Variants in ERC2 observed in about 807,000 individuals in gnomAD.
ERC2 encodes the protein ELKS/RAB6-interacting/CAST family member 2.
ERC2 carries 42 observed loss-of-function variants against 114.8 expected under a neutral mutation model. The ratio of observed to expected loss-of-function variants is 0.37; its 90% CI spans 0.29 to 0.47. The LOEUF (loss-of-function observed/expected upper bound fraction) is 0.47. Among genes scored for constraint, ERC2 ranks in the 20% least tolerant of loss-of-function variants. The probability of loss-of-function intolerance (pLI) is 0.99; values close to 1 mark genes in which losing one functional copy is unlikely to be tolerated. For synonymous variants in ERC2, 454 were observed against 425.5 expected (o/e 1.07, Z -0.82); for missense variants, 939 against 1,150.7 (o/e 0.82, Z 2.66).
At chr3:55,843,999 C>T (rs1028441817) in intron 14 of ERC2, among the ~76,000 whole-genome samples, 8 of 152,166 alleles carry the variant, frequency 5.3e-5, no homozygotes, top group Non-Finnish European at 1.2e-4. Flanking sequence ...CTTGTGAGTT[C>T]TCAGATAAAA....
chr3:56,411,773 G>A (rs2060949148), intron 2 of ERC2, among the ~76,000 whole-genome samples: 2 of 152,094 alleles, frequency 1.3e-5, no homozygotes, highest in African/African-American at 4.8e-5. Flanking sequence ...GCAGAGCCAG[G>A]ACTTGAAACC....
At chr3:56,094,743 G>A (rs1177886466) in intron 6 of ERC2, among the ~76,000 whole-genome samples, 1 of 152,038 alleles carries the variant, frequency 6.6e-6, no homozygotes, top group Non-Finnish European at 1.5e-5. Context: ...CAATAATGAG[G>A]GAGTCCAAAA....
chr3:55,946,138 G>T lies in ERC2; in HGVS notation c.2403+4287C>A, dbSNP rs200712450. On this transcript the variant is annotated intron_variant, in intron 13 of 17. Coordinates refer to ENST00000288221, the MANE Select transcript of ERC2 (RefSeq NM_015576.3). The stretch of plus-strand genomic sequence containing the variant: ...CATTCTGGAAATGACGATTTAGTGT[G>T]AATCTCTGGAAAGACACCTTGTTGA... Among the ~76,000 whole-genome samples, 317 of 152,046 alleles carry T rather than the reference G, an allele frequency of 2.1e-3. 1 individual carries two copies. The highest frequency in any genetic ancestry group is 3.8e-3 in the Non-Finnish European group (255 of 67,978).
At chr3:55,801,280 A>G (rs2071025447) in intron 14 of ERC2, among the ~76,000 whole-genome samples, 1 of 152,212 alleles carries the variant, frequency 6.6e-6, no homozygotes, top group African/African-American at 2.4e-5. Flanking sequence ...ACCTGGGTAA[A>G]GTCCCAGGAA....
chr3:56,393,958 G>T lies in ERC2; in HGVS notation c.657+40393C>A, dbSNP rs1576738902. ...TAAGCTACAGCCAAAAAAAAAAAAG[G>T]AATTCTCTTTTGCTCCCCTGCAATT... On this transcript the variant is annotated intron_variant, in intron 2 of 17. Transcript: ENST00000288221. Among the ~76,000 whole-genome samples the T allele has an allele frequency of 2.0e-5, 3 of 151,922 alleles. No homozygotes were observed. The South Asian group carries it at 6.2e-4, about 31-fold the overall frequency.
intron 12 of ERC2, among the ~76,000 whole-genome samples, chr3:55,982,534 GCTGCTT>G (rs1395751463): frequency 2.6e-5 from 4 of 151,900 alleles, no homozygotes; most frequent in African/African-American, 9.7e-5. Flanking sequence ...TATTACTGTT[GCTGCTT>G]CTGCTCCTGT....
chr3:55,890,360 C>T (rs1268666270), intron 13 of ERC2, among the ~76,000 whole-genome samples: 1 of 152,126 alleles, frequency 6.6e-6, no homozygotes, highest in East Asian at 1.9e-4. Context: ...GGTCTGTGTC[C>T]TCATGATTCC....
chr3:55,674,975 T>C (rs1017405010), intron 17 of ERC2, among the ~76,000 whole-genome samples: 1 of 152,170 alleles, frequency 6.6e-6, no homozygotes. Context: ...AGGCTCAGCA[T>C]CTCAGTGATT....
At chr3:55,616,644 TTA>T in intron 17 of ERC2, among the ~76,000 whole-genome samples, 1 of 151,672 alleles carries the variant, frequency 6.6e-6, no homozygotes, top group Non-Finnish European at 1.5e-5. Flanking sequence ...TTTTTTTTTT[TTA>T]AGTGCCAGGC....
At chr3:56,326,010 C>T (rs1198836276) in intron 2 of ERC2, among the ~76,000 whole-genome samples, 3 of 152,206 alleles carry the variant, frequency 2.0e-5, no homozygotes, top group East Asian at 1.9e-4. Flanking sequence ...GTACAACCAC[C>T]GCCAAGCTCC....
At chr3:55,753,631 A>G (rs916105077) in intron 14 of ERC2, among the ~76,000 whole-genome samples, 3 of 152,200 alleles carry the variant, frequency 2.0e-5, no homozygotes, top group Non-Finnish European at 2.9e-5. Flanking sequence ...GTGTAAAATC[A>G]CCAGTCCGAA....
intron 17 of ERC2, among the ~76,000 whole-genome samples, chr3:55,520,074 A>T (rs2052805090): frequency 6.6e-6 from 1 of 151,518 alleles, no homozygotes; most frequent in African/African-American, 2.4e-5. Flanking sequence ...AGGAAAAAAA[A>T]GGATAAAATT....
intron 17 of ERC2, 70 bp downstream of exon 17, chr3:55,683,724 C>T (rs1472739383): frequency 7.4e-6 from 9 of 1,222,058 alleles, no homozygotes; most frequent in South Asian, 4.0e-5. Context: ...CGAGCACAAT[C>T]GAGCACGCAC....
chr3:56,440,701 T>A (rs919021387), intron 1 of ERC2, among the ~76,000 whole-genome samples: 1 of 152,194 alleles, frequency 6.6e-6, no homozygotes, highest in African/African-American at 2.4e-5. Context: ...CTTTTAAGTG[T>A]GTATGTGTGT....
intron 3 of ERC2, among the ~76,000 whole-genome samples, chr3:56,245,841 C>G (rs996502535): frequency 2.0e-5 from 3 of 151,990 alleles, no homozygotes; most frequent in African/African-American, 7.3e-5. Flanking sequence ...ACTCCCGGCC[C>G]TTAGTTGTAT....
chr3:56,296,915 C>G (rs1396942860), intron 2 of ERC2, among the ~76,000 whole-genome samples: 1 of 152,050 alleles, frequency 6.6e-6, no homozygotes, highest in Non-Finnish European at 1.5e-5. Flanking sequence ...TAGACACAAA[C>G]AAAGACTTTA....
At chr3:55,583,544 T>C (rs9810145) in intron 17 of ERC2, among the ~76,000 whole-genome samples, 5,278 of 38,710 alleles carry the variant, frequency 0.14, 817 homozygotes, top group African/African-American at 0.33. Context: ...TTCCTTCCTT[T>C]CTTCCTTCCT....
Position 55,572,008 on chromosome 3 carries a change from C to T in ERC2, c.*40-60732G>A, listed in dbSNP as rs540463224. Among the ~76,000 whole-genome samples, 3 of 152,300 alleles carry T rather than the reference C, an allele frequency of 2.0e-5. No homozygotes were observed. The South Asian group carries it at 6.2e-4, about 32-fold the overall frequency. ...CGAAATTCAGGTGTTCCCTCTAGACCCAGGGAGTGCAGTTCTTCCTGCCAC... is the reference window on the plus strand; with the variant it reads ...CGAAATTCAGGTGTTCCCTCTAGACTCAGGGAGTGCAGTTCTTCCTGCCAC... On this transcript the variant is annotated intron_variant, in intron 17 of 17. Transcript: ENST00000288221.
intron 6 of ERC2, among the ~76,000 whole-genome samples, chr3:56,126,891 A>C (rs1560216889): frequency 6.9e-6 from 1 of 145,748 alleles, no homozygotes; most frequent in Non-Finnish European, 1.5e-5. Flanking sequence ...GCAAGAAGGG[A>C]AGGGCAGGGA....
Sources: gnomAD v4.1 joint callset for allele counts (sites outside exome capture counted in the v4.1 genomes callset) on GRCh38, gnomAD v4.1.1 for gene constraint, MANE v1.5 for transcripts, NCBI Gene and HGNC (gene_info 2026-07-23, HGNC 2026-07-21) for gene names.